DST: variants seen among roughly 807,000 people sequenced by gnomAD.
DST encodes the protein dystonin, also known as bullous pemphigoid antigen.
A neutral mutation model predicts 875.2 loss-of-function variants in DST; 253 were observed. The observed-to-expected ratio is 0.29, with a 90% CI of 0.26 to 0.32. The LOEUF (loss-of-function observed/expected upper bound fraction) is 0.32, where lower values mean the gene tolerates loss of function less well. Among genes scored for constraint, DST ranks in the 10% least tolerant of loss-of-function variants. The pLI is 1.00. For missense variants in DST, 8,287 were observed against 9,111.6 expected (o/e 0.91, Z 3.68); for synonymous variants, 3,124 against 3,197.1 (o/e 0.98, Z 0.77).
At chr6:56,526,628 G>C in intron 68 of DST, 61 bp from the exon 69 acceptor site, 1 of 1,487,062 alleles carries the variant, frequency 6.7e-7, no homozygotes, top group Non-Finnish European at 9.2e-7. Flanking sequence ...TCCTTTAACT[G>C]TTCTTGGAGC....
chr6:56,867,819 G>A (rs1284982946), intron 3 of DST, among the ~76,000 whole-genome samples: 4 of 151,204 alleles, frequency 2.6e-5, no homozygotes, highest in Non-Finnish European at 4.4e-5. Context: ...GCGACAGAGC[G>A]AGACTCCGTC....
intron 4 of DST, among the ~76,000 whole-genome samples, chr6:56,809,484 C>A (rs551154003): frequency 6.6e-6 from 1 of 152,150 alleles, no homozygotes; most frequent in African/African-American, 2.4e-5. Context: ...ATATTGCCAT[C>A]TTATGATGAT....
At chr6:56,856,222 G>A (rs1767786377) in intron 3 of DST, among the ~76,000 whole-genome samples, 2 of 152,198 alleles carry the variant, frequency 1.3e-5, no homozygotes, top group African/African-American at 4.8e-5. Context: ...CCCGGTGGGG[G>A]ATCTGAGATA....
At chr6:56,594,391 CT>C (rs1334760053) in intron 47 of DST, among the ~76,000 whole-genome samples, 198 bp from the exon 48 acceptor site, 1 of 152,130 alleles carries the variant, frequency 6.6e-6, no homozygotes, top group Non-Finnish European at 1.5e-5. Context: ...GCATGCTAAT[CT>C]TATTTTAAAG....
chr6:56,567,527 T>C (rs1020259215), intron 55 of DST, among the ~76,000 whole-genome samples: 3 of 139,584 alleles, frequency 2.1e-5, no homozygotes, highest in African/African-American at 8.1e-5. Context: ...AGAGCTAAAA[T>C]AAATAAAGCA....
intron 69 of DST, among the ~76,000 whole-genome samples, chr6:56,525,244 A>G (rs562697174): frequency 4.6e-5 from 7 of 152,314 alleles, no homozygotes; most frequent in South Asian, 2.1e-4. Flanking sequence ...TGAAAAAAAT[A>G]TATTTTTCAA....
At chr6:56,691,640 A>T (rs1296328963) in intron 9 of DST, among the ~76,000 whole-genome samples, 2 of 152,192 alleles carry the variant, frequency 1.3e-5, no homozygotes, top group Non-Finnish European at 2.9e-5. Flanking sequence ...TGAGCAATTA[A>T]ATAAATACCT....
intron 4 of DST, among the ~76,000 whole-genome samples, chr6:56,801,477 A>G (rs1376140840): frequency 1.3e-5 from 2 of 152,194 alleles, no homozygotes; most frequent in Non-Finnish European, 2.9e-5. Flanking sequence ...TGCTTAATAC[A>G]TATTATTCAC....
chr6:56,577,854 CTAAA>C (rs1562920506), intron 50 of DST, among the ~76,000 whole-genome samples: 1 of 152,096 alleles, frequency 6.6e-6, no homozygotes, highest in Non-Finnish European at 1.5e-5. Flanking sequence ...TTGGTATAAA[CTAAA>C]TACTGTGGTT....
chr6:56,851,372 C>T, intron 4 of DST, 25 bp downstream of exon 4: 2 of 1,605,178 alleles, frequency 1.2e-6, no homozygotes, highest in East Asian at 2.2e-5. Flanking sequence ...TCCCCCACTC[C>T]ATCCCCTTCC....
chr6:56,556,867 C>T (rs1290761448), intron 59 of DST, among the ~76,000 whole-genome samples: 1 of 152,170 alleles, frequency 6.6e-6, no homozygotes, highest in African/African-American at 2.4e-5. Flanking sequence ...CTCATTCTCT[C>T]TCTCCTCCAT....
chr6:56,803,957 G>A (rs2099750265), intron 4 of DST, among the ~76,000 whole-genome samples: 2 of 152,034 alleles, frequency 1.3e-5, no homozygotes, highest in Admixed American at 1.3e-4. Flanking sequence ...AAAGGTCAAG[G>A]GTCACCACCC....
chr6:56,841,469 A>G (rs2099799931), intron 4 of DST, among the ~76,000 whole-genome samples: 1 of 152,228 alleles, frequency 6.6e-6, no homozygotes, highest in African/African-American at 2.4e-5. Context: ...ACTGGCCTTC[A>G]GATCTTTAAT....
chr6:56,539,467 T>C (rs2097082997), intron 61 of DST, among the ~76,000 whole-genome samples: 1 of 152,224 alleles, frequency 6.6e-6, no homozygotes, highest in South Asian at 2.1e-4. Flanking sequence ...TGATATTGTC[T>C]AAGTTCCTTA....
intron 10 of DST, among the ~76,000 whole-genome samples, chr6:56,669,953 C>T (rs936208042): frequency 2.0e-5 from 3 of 152,168 alleles, no homozygotes; most frequent in African/African-American, 7.2e-5. Context: ...AATTGTTAAG[C>T]CCACTCACTA....
Position 56,553,078 on chromosome 6 carries a change from T to C in DST, c.15714A>G (p.Ile5238Met), listed in dbSNP as rs2097347476. Residue 5238 changes from isoleucine (I) to methionine (M), a missense_variant, in exon 61 of 104, where the codon ATA becomes ATG. By Grantham distance (10) the Ile-to-Met change is conservative. Coordinates refer to ENST00000680361, the MANE Select transcript of DST (RefSeq NM_001374736.1). ...TANSLLSVCE[I>M]DKEVVTDENK... ...TCTCATCTGTAACAACTTCTTTATC[T>C]ATCTCACAGACACTGAGCAAGCTAT... The C allele has an allele frequency of 2.5e-6, 4 of 1,613,984 alleles. No homozygotes were observed. The highest frequency in any genetic ancestry group is 2.5e-6 in the Non-Finnish European group (3 of 1,179,908).
chr6:56,868,356 T>C (rs933302820), intron 3 of DST, among the ~76,000 whole-genome samples: 3 of 152,168 alleles, frequency 2.0e-5, no homozygotes, highest in African/African-American at 4.8e-5. Flanking sequence ...TGTTCCTAAA[T>C]TGTCCACAAA....
At chr6:56,832,693 C>G (rs951362359) in intron 4 of DST, among the ~76,000 whole-genome samples, 19 of 151,626 alleles carry the variant, frequency 1.3e-4, no homozygotes, top group Non-Finnish European at 2.4e-4. Context: ...CAAAATCAAA[C>G]TCTTAATTTG....
intron 85 of DST, among the ~76,000 whole-genome samples, chr6:56,491,047 C>T (rs1051264222): frequency 3.9e-5 from 6 of 152,134 alleles, no homozygotes; most frequent in African/African-American, 1.4e-4. Flanking sequence ...TGTTATTGCA[C>T]CACATAATGT....
Sources: allele counts gnomAD v4.1 joint callset (sites outside exome capture counted in the v4.1 genomes callset), GRCh38; gene constraint gnomAD v4.1.1; transcripts MANE v1.5; gene names NCBI Gene and HGNC (gene_info 2026-07-23, HGNC 2026-07-21).